The following UQCRQ variants were observed in gnomAD, a reference collection of about 807,000 sequenced individuals.
The protein encoded by UQCRQ is cytochrome b-c1 complex subunit 8.
UQCRQ carries 9 observed loss-of-function variants against 7.9 expected under a neutral mutation model. The observed-to-expected ratio is 1.13, with a 90% CI of 0.68 to 1.98. UQCRQ has a LOEUF of 1.98. UQCRQ is among the 30% of genes most tolerant of loss of function. The probability of loss-of-function intolerance (pLI) is 0.00; values close to 1 mark genes in which losing one functional copy is unlikely to be tolerated. For missense variants in UQCRQ, 112 were observed against 109.7 expected (o/e 1.02, Z -0.10); for synonymous variants, 50 against 41.9 (o/e 1.19, Z -0.75).
At position 132,866,804 on chromosome 5, in the gene UQCRQ, C is replaced by T; in HGVS notation, c.-13-65C>T. 3 of 1,585,982 alleles carry T rather than the reference C, an allele frequency of 1.9e-6. No homozygotes were observed. The South Asian group carries it at 3.3e-5, about 18-fold the overall frequency. On this transcript the variant is annotated intron_variant, in intron 1 of 2. Coordinates refer to ENST00000378670, the MANE Select transcript of UQCRQ (RefSeq NM_014402.5). ...GCAGGAGTCTGGGGTTGGGGATGGACCCCCGCGGGGACTGCGGCGCTTCGC... is the reference window on the plus strand; with the variant it reads ...GCAGGAGTCTGGGGTTGGGGATGGATCCCCGCGGGGACTGCGGCGCTTCGC...
chr5:132,866,676 G>C lies in UQCRQ; in HGVS notation c.-25G>C, dbSNP rs1041392239. 9 of 633,454 alleles carry C rather than the reference G, an allele frequency of 1.4e-5. No individual in the cohort carries two copies. The highest frequency in any genetic ancestry group is 5.9e-5 in the Admixed American group (2 of 34,010). 39.2% of individuals were successfully genotyped at this position (633,454 alleles called of 1,614,324 possible). On this transcript the variant is annotated 5_prime_UTR_variant, in exon 1 of 3. Coordinates refer to ENST00000378670, the MANE Select transcript of UQCRQ (RefSeq NM_014402.5). Reference sequence around the variant, plus strand: ...AACCGGATCGGTGACTGTGGAGGGCGAGCTGAGCCCTGTGCGTGAGTGGGG... The same window carrying C: ...AACCGGATCGGTGACTGTGGAGGGCCAGCTGAGCCCTGTGCGTGAGTGGGG...
rs1759628156 is a variant in UQCRQ at position 132,866,702 on chromosome 5, T to A, written c.-14+15T>A. ...AGCTGAGCCCTGTGCGTGAGTGGGG[T>A]CTGGTTGTGCAGTGTTCGTGGACCC... On this transcript the variant is annotated intron_variant, in intron 1 of 2. Transcript: ENST00000378670. 2.8e-6 allele frequency: 2 copies of A among 715,280 alleles called. No individual in the cohort carries two copies. The highest frequency in any genetic ancestry group is 1.8e-5 in the African/African-American group (1 of 56,000). 44.3% of individuals were successfully genotyped at this position (715,280 alleles called of 1,614,324 possible). A position where few individuals can be genotyped will look rare whatever the true frequency, so the allele number is the denominator to read the frequency against.
chr5:132,866,908 G>A lies in UQCRQ; in HGVS notation c.27G>A (p.Thr9=). MGREFGNL[T]RMRHVISYSL... ...TGGGCCGCGAGTTTGGGAATCTGAC[G>A]CGGATGCGGCATGTGATCAGCTACA... The change falls in exon 2 of 3, where the codon ACG becomes ACA. Residue 9 remains threonine, a synonymous_variant. Coordinates refer to ENST00000378670, the MANE Select transcript of UQCRQ (RefSeq NM_014402.5). The A allele has an allele frequency of 6.2e-7, 1 of 1,614,032 alleles. No individual in the cohort carries two copies. The highest frequency in any genetic ancestry group is 8.5e-7 in the Non-Finnish European group (1 of 1,179,958).
At position 132,866,847 on chromosome 5, in the gene UQCRQ, C is replaced by T. The variant is rs13183734; in HGVS notation, c.-13-22C>T. 0.014 allele frequency: 22,998 copies of T among 1,610,612 alleles called. 256 individuals are homozygous for T. Among genetic ancestry groups the T allele is most frequent in the Admixed American group, 0.041 (2,462 of 59,996 alleles). On this transcript the variant is annotated intron_variant, in intron 1 of 2. Transcript: ENST00000378670. ...CGCTTCGCGAAAGCGAGCCAAGCGC[C>T]TGTCCACCCTCGGTCCTGCAGGGCC...
At position 132,866,650 on chromosome 5, in the gene UQCRQ, C is replaced by G. The variant is rs936439234; in HGVS notation, c.-51C>G. ...ACCTTGCCGGAAATGACGAACGAGT[C>G]AACCGGATCGGTGACTGTGGAGGGC... On this transcript the variant is annotated 5_prime_UTR_variant, in exon 1 of 3. Coordinates refer to ENST00000378670, the MANE Select transcript of UQCRQ (RefSeq NM_014402.5). 1.7e-6 allele frequency: 1 copy of G among 598,988 alleles called. No individual in the cohort carries two copies. The highest frequency in any genetic ancestry group is 1.9e-5 in the African/African-American group (1 of 53,684). The allele number at this position is 598,988 out of a possible 1,614,324, so 37.1% of individuals were successfully genotyped here.
Position 132,867,005 on chromosome 5 carries a change from A to T in UQCRQ, c.124A>T (p.Ile42Phe). Residue 42 changes from isoleucine (I) to phenylalanine (F), a missense_variant, in exon 2 of 3, where the codon ATT becomes TTT. Physicochemically the swap from Ile to Phe is conservative, Grantham distance 21 (BLOSUM62 0). Transcript: ENST00000378670. ...TKGIPNVLRR[I>F]RESFFRVVPQ... Reference sequence around the variant, plus strand: ...AGGAATCCCCAATGTTCTGCGCCGCATTCGGGAGTCTTTCTTTCGCGTGGT... The same window carrying T: ...AGGAATCCCCAATGTTCTGCGCCGCTTTCGGGAGTCTTTCTTTCGCGTGGT... 1 of 1,614,014 alleles carries T rather than the reference A, an allele frequency of 6.2e-7. No individual in the cohort carries two copies. Among genetic ancestry groups the T allele is most frequent in the Non-Finnish European group, 8.5e-7 (1 of 1,179,940 alleles).
Position 132,867,733 on chromosome 5 carries a change from T to C in UQCRQ, c.*151T>C, listed in dbSNP as rs1759675722. 1.1e-5 allele frequency: 8 copies of C among 709,362 alleles called. No homozygotes were observed. In the Admixed American group the frequency reaches 1.5e-4, roughly 13 times the overall value. 43.9% of individuals were successfully genotyped at this position (709,362 alleles called of 1,614,324 possible). On this transcript the variant is annotated 3_prime_UTR_variant, in exon 3 of 3. Transcript: ENST00000378670. The stretch of plus-strand genomic sequence containing the variant: ...TGTGAGTAGAATCCTGTGTGACCAC[T>C]AATATTCAAGTTCATGAAGCGCCCC...
In UQCRQ at chr5:132,866,678, G is replaced by A. The variant is rs992008032; in HGVS notation, c.-23G>A. The stretch of plus-strand genomic sequence containing the variant: ...CCGGATCGGTGACTGTGGAGGGCGA[G>A]CTGAGCCCTGTGCGTGAGTGGGGTC... On this transcript the variant is annotated 5_prime_UTR_variant, in exon 1 of 3. Transcript: ENST00000378670. 7 of 641,388 alleles carry A rather than the reference G, an allele frequency of 1.1e-5. No homozygotes were observed. In the East Asian group the frequency reaches 1.4e-4, roughly 13 times the overall value. The allele number at this position is 641,388 out of a possible 1,614,324, so 39.7% of individuals were successfully genotyped here. A position where few individuals can be genotyped will look rare whatever the true frequency, so the allele number is the denominator to read the frequency against.
At position 132,867,653 on chromosome 5, in the gene UQCRQ, G is replaced by A. The variant is rs1759673323; in HGVS notation, c.*71G>A. 5 of 1,274,166 alleles carry A rather than the reference G, an allele frequency of 3.9e-6. No homozygotes were observed. Among genetic ancestry groups the A allele is most frequent in the South Asian group, 3.7e-5 (3 of 81,636 alleles). The allele number at this position is 1,274,166 out of a possible 1,614,324, so 78.9% of individuals were successfully genotyped here. On this transcript the variant is annotated 3_prime_UTR_variant, in exon 3 of 3. Coordinates refer to ENST00000378670, the MANE Select transcript of UQCRQ (RefSeq NM_014402.5). ...CTGGAAGAGGAGTCTGCATTGTAGT[G>A]TCTCAAAGACACAATAAACTTCCTA...
chr5:132,866,778 G>A, intron 1 of UQCRQ, 91 bp downstream of exon 1: 1 of 1,510,440 alleles, frequency 6.6e-7, no homozygotes, highest in Non-Finnish European at 9.0e-7. Flanking sequence ...GGAGTGCAGG[G>A]GCAGGAGTCT....
rs1289094161 is a variant in UQCRQ, at chr5:132,868,662, C to T, written c.*1080C>T. On this transcript the variant is annotated 3_prime_UTR_variant, in exon 3 of 3. Coordinates refer to ENST00000378670, the MANE Select transcript of UQCRQ (RefSeq NM_014402.5). ...TGGACAAGCTTGCTCTACTGCCTTT[C>T]CTCCTAAGGCAGGCCTTAGCCTGAG... 6.6e-6 allele frequency among the ~76,000 whole-genome samples: 1 copy of T among 152,128 alleles called. No homozygotes were observed. Among genetic ancestry groups the T allele is most frequent in the Non-Finnish European group, 1.5e-5 (1 of 68,014 alleles).
chr5:132,867,339 C>G (rs762892509), intron 2 of UQCRQ, 149 bp from the exon 3 acceptor site: 2 of 743,178 alleles, frequency 2.7e-6, no homozygotes, highest in Non-Finnish European at 4.6e-6. Flanking sequence ...GTTAAACGTG[C>G]AGCAGATAGT....
rs778137990 is a variant in UQCRQ at position 132,867,826 on chromosome 5, G to A, written c.*244G>A. 5 of 520,744 alleles carry A rather than the reference G, an allele frequency of 9.6e-6. No individual in the cohort carries two copies. The highest frequency in any genetic ancestry group is 1.9e-5 in the African/African-American group (1 of 52,098). The allele number at this position is 520,744 out of a possible 1,614,324, so 32.3% of individuals were successfully genotyped here. On this transcript the variant is annotated 3_prime_UTR_variant, in exon 3 of 3. Transcript: ENST00000378670. ...GGTGAAAGAGCAGGGCTCCCCCTTT[G>A]TTCCATTATCTACAAGAAAGTAGCT...
rs144996711 is a variant in UQCRQ, at chr5:132,868,226, C to T, written c.*644C>T. Among the ~76,000 whole-genome samples the T allele has an allele frequency of 0.023, 3,495 of 152,274 alleles. 141 individuals are homozygous for T. Among genetic ancestry groups the T allele is most frequent in the African/African-American group, 0.081 (3,353 of 41,544 alleles). On this transcript the variant is annotated 3_prime_UTR_variant, in exon 3 of 3. Transcript: ENST00000378670. ...AACTCCTGACCTCAGATGATCTGTG[C>T]GCCTCAGCCTCCCAAAGTGCTGGGA...
chr5:132,866,823 G>C, intron 1 of UQCRQ, 46 bp from the exon 2 acceptor site: 1 of 1,603,324 alleles, frequency 6.2e-7, no homozygotes, highest in Non-Finnish European at 8.5e-7. Context: ...GGACTGCGGC[G>C]CTTCGCGAAA....
At position 132,867,981 on chromosome 5, in the gene UQCRQ, TTTTA is replaced by T. The variant is rs1271618885; in HGVS notation, c.*403_*406del. 1.3e-5 allele frequency: 3 copies of T among 230,488 alleles called. No individual in the cohort carries two copies. The highest frequency in any genetic ancestry group is 2.6e-5 in the Non-Finnish European group (3 of 113,936). 14.3% of individuals were successfully genotyped at this position (230,488 alleles called of 1,614,324 possible). A position where few individuals can be genotyped will look rare whatever the true frequency, so the allele number is the denominator to read the frequency against. ...TGTAATTAGTATGTGTCAGGGACGC[TTTTA>T]TTTTTTATTTTTTGAGATGGAGTCT... On this transcript the variant is annotated 3_prime_UTR_variant, in exon 3 of 3. Transcript: ENST00000378670.
chr5:132,867,472 CTCT>C lies in UQCRQ; in HGVS notation c.155-14_155-12del. On this transcript the variant is annotated splice_polypyrimidine_tract_variant and intron_variant, in intron 2 of 2. Coordinates refer to ENST00000378670, the MANE Select transcript of UQCRQ (RefSeq NM_014402.5). Reference sequence around the variant, plus strand: ...CTTATATGTGTGCTCTCTGTTTACTCTCTTAATTTTTAAAGAGTTTGTAGTGTT... The same window carrying C: ...CTTATATGTGTGCTCTCTGTTTACTCTAATTTTTAAAGAGTTTGTAGTGTT... 6.2e-7 allele frequency: 1 copy of C among 1,603,096 alleles called. No homozygotes were observed. The highest frequency in any genetic ancestry group is 8.5e-7 in the Non-Finnish European group (1 of 1,170,230).
intron 1 of UQCRQ, 67 bp from the exon 2 acceptor site, chr5:132,866,802 G>A: frequency 6.3e-7 from 1 of 1,584,278 alleles, no homozygotes; most frequent in Non-Finnish European, 8.5e-7. Flanking sequence ...GTTGGGGATG[G>A]ACCCCCGCGG....
intron 2 of UQCRQ, 124 bp from the exon 3 acceptor site, chr5:132,867,364 G>A: frequency 3.8e-6 from 3 of 798,124 alleles, no homozygotes; most frequent in Non-Finnish European, 6.3e-6. Context: ...ATAGTTGCAT[G>A]GCCTTGGATA....
Sources: allele counts gnomAD v4.1 joint callset (sites outside exome capture counted in the v4.1 genomes callset), GRCh38; gene constraint gnomAD v4.1.1; transcripts MANE v1.5; gene names NCBI Gene and HGNC (gene_info 2026-07-23, HGNC 2026-07-21).